TFDP2: variants seen among roughly 807,000 people sequenced by gnomAD.
TFDP2 encodes transcription factor Dp-2.
In TFDP2, 17 loss-of-function variants were observed where a neutral mutation model predicts 59.3. The observed-to-expected ratio is 0.29, with a 90% CI of 0.20 to 0.43. The LOEUF is 0.43. TFDP2 is among the 20% of genes least tolerant of loss of function. The probability of loss-of-function intolerance (pLI) is 1.00; values close to 1 mark genes in which losing one functional copy is unlikely to be tolerated. For missense variants in TFDP2, 391 were observed against 528.8 expected (o/e 0.74, Z 2.56); for synonymous variants, 180 against 194.7 (o/e 0.92, Z 0.63).
At chr3:142,014,531 T>C (rs1358830180) in intron 3 of TFDP2, among the ~76,000 whole-genome samples, 1 of 152,184 alleles carries the variant, frequency 6.6e-6, no homozygotes, top group Admixed American at 6.5e-5. Flanking sequence ...GATTCTACTG[T>C]ATGTAAACTA....
chr3:141,979,204 A>G (rs958209348), intron 6 of TFDP2, among the ~76,000 whole-genome samples: 2 of 152,206 alleles, frequency 1.3e-5, no homozygotes, highest in African/African-American at 4.8e-5. Flanking sequence ...TGTGAGTAAT[A>G]ATGCATTACT....
At chr3:142,048,866 C>G (rs75911681) in intron 3 of TFDP2, among the ~76,000 whole-genome samples, 6,519 of 152,140 alleles carry the variant, frequency 0.043, 463 homozygotes, top group African/African-American at 0.15. Flanking sequence ...GTGCCCAGCC[C>G]GAAAGACGTA....
chr3:141,991,900 G>C (rs754012709), intron 6 of TFDP2, among the ~76,000 whole-genome samples: 1 of 151,936 alleles, frequency 6.6e-6, no homozygotes. Flanking sequence ...AAACCTGCTG[G>C]GCATGGTGGT....
intron 1 of TFDP2, among the ~76,000 whole-genome samples, chr3:142,105,906 C>T (rs2061454431): frequency 6.6e-6 from 1 of 152,040 alleles, no homozygotes; most frequent in African/African-American, 2.4e-5. Flanking sequence ...TTAAATGAGT[C>T]AATACATGTA....
At chr3:142,087,659 C>T (rs2060846446) in intron 3 of TFDP2, among the ~76,000 whole-genome samples, 1 of 151,980 alleles carries the variant, frequency 6.6e-6, no homozygotes. Flanking sequence ...CGCCACCATA[C>T]CAGCTAATTT....
intron 3 of TFDP2, among the ~76,000 whole-genome samples, chr3:142,066,748 A>G (rs2060086015): frequency 6.6e-6 from 1 of 152,186 alleles, no homozygotes. Context: ...ATAAAGGACT[A>G]AAAATAATAC....
At chr3:141,987,972 C>T (rs1942312214) in intron 6 of TFDP2, among the ~76,000 whole-genome samples, 1 of 144,948 alleles carries the variant, frequency 6.9e-6, no homozygotes, top group Non-Finnish European at 1.5e-5. Flanking sequence ...AAATGACATT[C>T]TTCTCATTCT....
chr3:142,099,536 T>C lies in TFDP2; in HGVS notation c.15+2199A>G, dbSNP rs575226354. The stretch of plus-strand genomic sequence containing the variant: ...GACCAACATGGAGAAACCCCGTCTC[T>C]ACTAAAAATACAAAATTAGCCGGGC... On this transcript the variant is annotated intron_variant, in intron 2 of 12. Transcript: ENST00000489671. Among the ~76,000 whole-genome samples, 4 of 152,152 alleles carry C rather than the reference T, an allele frequency of 2.6e-5. No homozygotes were observed. The South Asian group carries it at 6.2e-4, about 24-fold the overall frequency.
At chr3:142,118,379 C>T (rs1023357418) in intron 1 of TFDP2, among the ~76,000 whole-genome samples, 1 of 152,176 alleles carries the variant, frequency 6.6e-6, no homozygotes, top group Non-Finnish European at 1.5e-5. Context: ...TGATGATTTT[C>T]TCCATAAAAA....
Position 142,142,144 on chromosome 3 carries a change from G to A in TFDP2, c.-93+7039C>T, listed in dbSNP as rs150606765. 5.3e-3 allele frequency among the ~76,000 whole-genome samples: 803 copies of A among 152,234 alleles called. 7 individuals are homozygous for A. Among genetic ancestry groups the A allele is most frequent in the African/African-American group, 0.018 (759 of 41,550 alleles). On this transcript the variant is annotated intron_variant, in intron 1 of 12. Coordinates refer to ENST00000489671, the MANE Select transcript of TFDP2 (RefSeq NM_001178139.2). ...ATATAAAGGGCACCCAAATTGGAAA[G>A]GAAGAAGTCAAATTATCCCTGTTTG... is the stretch of plus-strand genomic sequence containing the variant.
intron 6 of TFDP2, among the ~76,000 whole-genome samples, chr3:141,990,280 C>T (rs542756132): frequency 3.3e-5 from 5 of 151,560 alleles, no homozygotes; most frequent in African/African-American, 4.8e-5. Flanking sequence ...GACGGAGTCC[C>T]GCTGTGTTGA....
chr3:141,992,807 A>G lies in TFDP2; in HGVS notation c.356+731T>C, dbSNP rs866517639. On this transcript the variant is annotated intron_variant, in intron 6 of 12. Coordinates refer to ENST00000489671, the MANE Select transcript of TFDP2 (RefSeq NM_001178139.2). Reference sequence around the variant, plus strand: ...CTTTCATTTTAGACTGAATTCTAACATATTTGGCCATCTAATTTCTCAGGG... The same window carrying G: ...CTTTCATTTTAGACTGAATTCTAACGTATTTGGCCATCTAATTTCTCAGGG... 5.3e-5 allele frequency among the ~76,000 whole-genome samples: 8 copies of G among 152,328 alleles called. No individual in the cohort carries two copies. In the South Asian group the frequency reaches 1.4e-3, roughly 28 times the overall value.
intron 9 of TFDP2, among the ~76,000 whole-genome samples, chr3:141,966,420 C>T (rs1283296810): frequency 6.6e-6 from 1 of 151,862 alleles, no homozygotes; most frequent in Non-Finnish European, 1.5e-5. Flanking sequence ...ATCTGCCCAC[C>T]TCGGCCTCCC....
chr3:142,026,462 A>C (rs569835203), intron 3 of TFDP2, among the ~76,000 whole-genome samples: 3 of 152,338 alleles, frequency 2.0e-5, no homozygotes, highest in African/African-American at 7.2e-5. Flanking sequence ...AATTATTTAG[A>C]AAACTGTATA....
intron 1 of TFDP2, among the ~76,000 whole-genome samples, chr3:142,137,197 T>G (rs1330658650): frequency 6.6e-6 from 1 of 152,212 alleles, no homozygotes; most frequent in Non-Finnish European, 1.5e-5. Context: ...GTTATTGGTG[T>G]GTAGGAATGC....
intron 4 of TFDP2, among the ~76,000 whole-genome samples, chr3:141,995,593 A>AAT (rs1943192041): frequency 1.3e-5 from 2 of 152,176 alleles, no homozygotes; most frequent in South Asian, 4.1e-4. Flanking sequence ...CCTTTTTTAA[A>AAT]AGAGTATTGG....
intron 3 of TFDP2, among the ~76,000 whole-genome samples, chr3:142,040,665 G>A (rs1407254567): frequency 6.6e-6 from 1 of 152,144 alleles, no homozygotes; most frequent in African/African-American, 2.4e-5. Context: ...CCCGACCTCA[G>A]GTGATCTGCC....
intron 3 of TFDP2, 89 bp downstream of exon 3, chr3:142,092,972 C>A: frequency 1.1e-6 from 1 of 873,532 alleles, no homozygotes; most frequent in South Asian, 1.8e-5. Flanking sequence ...AATTATTATA[C>A]ATAAAGTAAT....
At chr3:142,043,439 C>T (rs915565535) in intron 3 of TFDP2, among the ~76,000 whole-genome samples, 20 of 151,952 alleles carry the variant, frequency 1.3e-4, no homozygotes, top group Admixed American at 2.6e-4. Context: ...TCTTGGCTCA[C>T]TGCAACCTCC....
Sources: gnomAD v4.1 joint callset for allele counts (sites outside exome capture counted in the v4.1 genomes callset) on GRCh38, gnomAD v4.1.1 for gene constraint, MANE v1.5 for transcripts, NCBI Gene and HGNC (gene_info 2026-07-23, HGNC 2026-07-21) for gene names.